Variants in GPC6 observed in about 807,000 individuals in gnomAD.
GPC6 encodes glypican-6.
A neutral mutation model predicts 55.2 loss-of-function variants in GPC6; 14 were observed. That is an observed-to-expected ratio of 0.25 (90% confidence interval 0.17 to 0.40). GPC6 has a LOEUF of 0.40. Ranked by LOEUF, GPC6 falls within the 10% of genes least tolerant of loss-of-function variation. The pLI is 1.00. For synonymous variants in GPC6, 278 were observed against 259.6 expected (o/e 1.07, Z -0.68); for missense variants, 641 against 708.5 (o/e 0.90, Z 1.08).
intron 2 of GPC6, among the ~76,000 whole-genome samples, chr13:93,811,945 G>A (rs977212467): frequency 5.3e-5 from 8 of 151,958 alleles, no homozygotes; most frequent in African/African-American, 1.5e-4. Flanking sequence ...AAAGACATGA[G>A]GCATATCTCA....
intron 2 of GPC6, among the ~76,000 whole-genome samples, chr13:93,765,308 T>TTCCAGATAAGCGGTCTGGA: frequency 6.7e-6 from 1 of 148,686 alleles, no homozygotes; most frequent in Non-Finnish European, 1.5e-5. Context: ...AAAGACAACT[T>TTCCAGATAAGCGGTCTGGA]ATTTGGTTTA....
chr13:93,397,354 G>T (rs1408392894), intron 1 of GPC6, among the ~76,000 whole-genome samples: 1 of 152,104 alleles, frequency 6.6e-6, no homozygotes, highest in Admixed American at 6.5e-5. Context: ...TCTAATAAGT[G>T]TAAAGTGATA....
At chr13:94,155,844 CT>C (rs1593996560) in intron 4 of GPC6, among the ~76,000 whole-genome samples, 1 of 152,240 alleles carries the variant, frequency 6.6e-6, no homozygotes, top group East Asian at 1.9e-4. Context: ...CCCATACATG[CT>C]ATTGTGAGTG....
intron 6 of GPC6, among the ~76,000 whole-genome samples, chr13:94,339,878 T>G (rs981825648): frequency 2.0e-5 from 3 of 150,156 alleles, no homozygotes; most frequent in Non-Finnish European, 4.4e-5. Flanking sequence ...ATTCTCCTGC[T>G]TCAGCCTCCC....
chr13:93,457,864 G>A (rs1051018064), intron 1 of GPC6, among the ~76,000 whole-genome samples: 3 of 151,922 alleles, frequency 2.0e-5, no homozygotes. Flanking sequence ...CATCTATTTC[G>A]AAGTCTTGAC....
intron 3 of GPC6, among the ~76,000 whole-genome samples, chr13:94,019,919 A>G (rs1882632592): frequency 6.6e-6 from 1 of 152,098 alleles, no homozygotes; most frequent in Admixed American, 6.6e-5. Flanking sequence ...TTTGATAGTC[A>G]GCCTAGCTGA....
chr13:93,765,308 T>TTCCAGATAAGCTGTCTGGAAAGACAA, intron 2 of GPC6, among the ~76,000 whole-genome samples: 2 of 148,800 alleles, frequency 1.3e-5, no homozygotes, highest in Admixed American at 6.7e-5. Context: ...AAAGACAACT[T>TTCCAGATAAGCTGTCTGGAAAGACAA]ATTTGGTTTA....
At chr13:93,233,471 C>G (rs940597201) in intron 1 of GPC6, among the ~76,000 whole-genome samples, 2 of 151,930 alleles carry the variant, frequency 1.3e-5, no homozygotes, top group African/African-American at 4.8e-5. Context: ...TATTGTATAC[C>G]TACTATGGGT....
At chr13:93,372,498 C>T (rs1874708226) in intron 1 of GPC6, among the ~76,000 whole-genome samples, 1 of 152,158 alleles carries the variant, frequency 6.6e-6, no homozygotes, top group Non-Finnish European at 1.5e-5. Flanking sequence ...GCCATCTAAC[C>T]TCTTTGTACC....
chr13:93,897,735 A>G (rs1876098129), intron 3 of GPC6, among the ~76,000 whole-genome samples: 1 of 152,036 alleles, frequency 6.6e-6, no homozygotes, highest in African/African-American at 2.4e-5. Context: ...TGTCCCCCCC[A>G]TCTGTTAAAA....
intron 2 of GPC6, among the ~76,000 whole-genome samples, chr13:93,817,253 G>A (rs1048148259): frequency 1.3e-5 from 2 of 152,096 alleles, no homozygotes; most frequent in African/African-American, 2.4e-5. Flanking sequence ...AGAATCCCTT[G>A]GAATAGTAGC....
chr13:94,163,341 C>T (rs1231151348), intron 4 of GPC6, among the ~76,000 whole-genome samples: 1 of 151,632 alleles, frequency 6.6e-6, no homozygotes, highest in Non-Finnish European at 1.5e-5. Context: ...CTTCCACCTC[C>T]ACCTCCCTTG....
intron 4 of GPC6, among the ~76,000 whole-genome samples, chr13:94,197,568 A>G (rs1889618413): frequency 6.6e-6 from 1 of 152,104 alleles, no homozygotes; most frequent in African/African-American, 2.4e-5. Flanking sequence ...TCTTCTTATA[A>G]CAGTGCCAGC....
At chr13:94,063,782 ACT>A (rs1884420247) in intron 4 of GPC6, among the ~76,000 whole-genome samples, 1 of 152,204 alleles carries the variant, frequency 6.6e-6, no homozygotes, top group Non-Finnish European at 1.5e-5. Context: ...TGTTAGCTAG[ACT>A]AATACGAAAT....
chr13:94,018,874 T>C (rs1882590387), intron 3 of GPC6, among the ~76,000 whole-genome samples: 1 of 152,164 alleles, frequency 6.6e-6, no homozygotes, highest in African/African-American at 2.4e-5. Flanking sequence ...GGTTGCATGC[T>C]CCTTATGAGA....
rs1466834319 is a variant in GPC6, at chr13:93,590,779, GC to G, written c.319+45360del. ...ATATAGCTTTCTTTAAACTTTGTAA[GC>G]CTTTAACAAACTTGTGGTTACAATT... On this transcript the variant is annotated intron_variant, in intron 2 of 8. Transcript: ENST00000377047. 2.0e-5 allele frequency among the ~76,000 whole-genome samples: 3 copies of G among 152,074 alleles called. No individual in the cohort carries two copies. The East Asian group carries it at 5.8e-4, about 29-fold the overall frequency.
At chr13:93,497,369 T>C (rs1880344216) in intron 1 of GPC6, among the ~76,000 whole-genome samples, 1 of 152,138 alleles carries the variant, frequency 6.6e-6, no homozygotes. Context: ...GGTCATAAAA[T>C]AAAGGATTAC....
intron 6 of GPC6, among the ~76,000 whole-genome samples, chr13:94,351,556 C>G (rs897632252): frequency 6.6e-6 from 1 of 152,066 alleles, no homozygotes; most frequent in African/African-American, 2.4e-5. Flanking sequence ...ACAATCTTCT[C>G]TGAGAAGCCT....
chr13:94,342,267 C>T (rs1381176574), intron 6 of GPC6, among the ~76,000 whole-genome samples: 2 of 152,232 alleles, frequency 1.3e-5, no homozygotes, highest in South Asian at 2.1e-4. Flanking sequence ...ACTTCCACTA[C>T]CTGCGAATGA....
Sources: gnomAD v4.1 joint callset for allele counts (sites outside exome capture counted in the v4.1 genomes callset) on GRCh38, gnomAD v4.1.1 for gene constraint, MANE v1.5 for transcripts, NCBI Gene and HGNC (gene_info 2026-07-23, HGNC 2026-07-21) for gene names.